Variants in USP32 observed in about 807,000 individuals in gnomAD.
USP32 encodes ubiquitin carboxyl-terminal hydrolase 32.
A neutral mutation model predicts 204.8 loss-of-function variants in USP32; 59 were observed. The observed-to-expected ratio is 0.29, with a 90% CI of 0.23 to 0.36. USP32 has a LOEUF of 0.36. Ranked by LOEUF, USP32 falls within the 10% of genes least tolerant of loss-of-function variation. The pLI, the probability that USP32 is intolerant of heterozygous loss-of-function variation, is 1.00. For synonymous variants in USP32, 517 were observed against 678.4 expected (o/e 0.76, Z 3.70); for missense variants, 1,160 against 1,946.4 (o/e 0.60, Z 7.60).
At chr17:60,272,311 C>T (rs2086742743) in intron 5 of USP32, among the ~76,000 whole-genome samples, 1 of 152,026 alleles carries the variant, frequency 6.6e-6, no homozygotes, top group African/African-American at 2.4e-5. Flanking sequence ...AGTAGGAGTC[C>T]CTATGTGATA....
chr17:60,266,655 AT>A (rs34028475), intron 7 of USP32, among the ~76,000 whole-genome samples: 9,381 of 97,502 alleles, frequency 0.096, 316 homozygotes, highest in East Asian at 0.13. Context: ...CACCCAGGTA[AT>A]TTTTTTTTTT....
rs147849426 is a variant in USP32 at position 60,183,237 on chromosome 17, C to G, written c.4051G>C (p.Ala1351Pro). The G allele has an allele frequency of 1.9e-6, 3 of 1,613,874 alleles. No individual in the cohort carries two copies. Among genetic ancestry groups the G allele is most frequent in the African/African-American group, 1.3e-5 (1 of 74,930 alleles). The change falls in exon 31 of 34, where the codon GCT becomes CCT. Residue 1351 changes from alanine (A) to proline (P), a missense_variant. Around this residue, in one of 8 missense-constraint regions of USP32, gnomAD observed 244 missense variants for 342.3 expected, o/e 0.71. Transcript: ENST00000300896. ...CTCAGGAGCACGTCCTCTTCCCCAGCCGAACTCTGCGCATCCACTTTCTTC... is the reference window on the plus strand; with the variant it reads ...CTCAGGAGCACGTCCTCTTCCCCAGGCGAACTCTGCGCATCCACTTTCTTC... ...EVKKVDAQSS[A>P]GEEDVLLSKS... is the part of the protein sequence containing the mutation.
At chr17:60,421,811 G>A in intron 1 of USP32, 1 of 973,278 alleles carries the variant, frequency 1.0e-6, no homozygotes, top group Non-Finnish European at 1.2e-6. Flanking sequence ...CGGGGTGGCG[G>A]GACTTTCGCC....
intron 10 of USP32, 58 bp from the exon 11 acceptor site, chr17:60,252,500 G>T: frequency 2.4e-6 from 3 of 1,269,126 alleles, no homozygotes; most frequent in South Asian, 1.5e-5. Flanking sequence ...CACATTATCT[G>T]CATGAGACCC....
intron 1 of USP32, chr17:60,421,549 T>A: frequency 1.0e-6 from 1 of 985,432 alleles, no homozygotes; most frequent in African/African-American, 1.7e-5. Flanking sequence ...GGAGAAGGAA[T>A]TCCTAGTTTC....
intron 1 of USP32, among the ~76,000 whole-genome samples, chr17:60,361,385 C>T (rs897085959): frequency 6.6e-6 from 1 of 152,132 alleles, no homozygotes; most frequent in African/African-American, 2.4e-5. Context: ...AGATTTAGTT[C>T]ATTCCTTATG....
intron 12 of USP32, among the ~76,000 whole-genome samples, chr17:60,232,565 T>A (rs75413231): frequency 9.5e-5 from 13 of 137,000 alleles, no homozygotes; most frequent in East Asian, 8.5e-4. Context: ...TTTTTTTTTT[T>A]AAATACAGTC....
intron 2 of USP32, among the ~76,000 whole-genome samples, chr17:60,330,345 C>T (rs1289714495): frequency 6.6e-6 from 1 of 152,126 alleles, no homozygotes; most frequent in African/African-American, 2.4e-5. Flanking sequence ...CCTTATTCTA[C>T]TTTATTATCC....
chr17:60,267,079 G>A (rs1274488579), intron 7 of USP32, among the ~76,000 whole-genome samples: 1 of 151,950 alleles, frequency 6.6e-6, no homozygotes, highest in Non-Finnish European at 1.5e-5. Flanking sequence ...ATGATGCACG[G>A]TGCCAGGCCA....
intron 1 of USP32, among the ~76,000 whole-genome samples, chr17:60,401,736 AAAAG>A (rs1437960619): frequency 1.3e-5 from 2 of 152,022 alleles, no homozygotes; most frequent in Non-Finnish European, 2.9e-5. Flanking sequence ...GAAAAAAAAA[AAAAG>A]AAAGAAAGTA....
At chr17:60,382,930 ATTTATT>A (rs1051316713) in intron 1 of USP32, among the ~76,000 whole-genome samples, 1 of 152,182 alleles carries the variant, frequency 6.6e-6, no homozygotes, top group African/African-American at 2.4e-5. Flanking sequence ...ATTTAGGACT[ATTTATT>A]TTTAACTATC....
intron 11 of USP32, chr17:60,245,213 C>A: frequency 4.9e-6 from 1 of 202,204 alleles, no homozygotes; most frequent in Non-Finnish European, 9.8e-6. Flanking sequence ...GTAATTTCTA[C>A]TATTGGTGCT....
intron 12 of USP32, among the ~76,000 whole-genome samples, chr17:60,235,883 T>C (rs947462101): frequency 1.3e-5 from 2 of 152,204 alleles, no homozygotes; most frequent in Admixed American, 1.3e-4. Flanking sequence ...GTATGTGACA[T>C]ATGCAGGTAC....
rs773217073 is a variant in USP32 at position 60,181,461 on chromosome 17, C to T, written c.4411G>A (p.Gly1471Arg). Residue 1471 changes from glycine (G) to arginine (R), a missense_variant, in exon 32 of 34, where the codon GGA becomes AGA. Physicochemically the swap from Gly to Arg is moderately radical, Grantham distance 125 (BLOSUM62 -2). Transcript: ENST00000300896. Reference sequence around the variant, plus strand: ...CATGCTTCATGCTCATAAAGGAATCCATTGGCCAAAGCTACCTCATGGTCC... The same window carrying T: ...CATGCTTCATGCTCATAAAGGAATCTATTGGCCAAAGCTACCTCATGGTCC... ...PQDHEVALAN[G>R]FLYEHEACGN... The T allele has an allele frequency of 1.9e-6, 3 of 1,613,986 alleles. No individual in the cohort carries two copies. Among genetic ancestry groups the T allele is most frequent in the South Asian group, 2.2e-5 (2 of 91,076 alleles).
At chr17:60,411,462 G>A (rs780574850) in intron 1 of USP32, among the ~76,000 whole-genome samples, 15 of 139,732 alleles carry the variant, frequency 1.1e-4, no homozygotes, top group East Asian at 2.0e-4. Context: ...AGTTTGAGCC[G>A]TGATTGTACC....
intron 1 of USP32, among the ~76,000 whole-genome samples, chr17:60,414,138 A>T (rs556014803): frequency 1.3e-5 from 2 of 152,148 alleles, no homozygotes; most frequent in African/African-American, 4.8e-5. Flanking sequence ...CATGGTGGGC[A>T]GATCACTTGA....
intron 1 of USP32, among the ~76,000 whole-genome samples, chr17:60,358,691 A>G (rs1481543248): frequency 6.6e-6 from 1 of 152,248 alleles, no homozygotes; most frequent in Non-Finnish European, 1.5e-5. Flanking sequence ...ATGAGATTAA[A>G]AAATGAACAT....
At chr17:60,357,190 C>T (rs1220771404) in intron 1 of USP32, among the ~76,000 whole-genome samples, 1 of 152,194 alleles carries the variant, frequency 6.6e-6, no homozygotes, top group East Asian at 1.9e-4. Flanking sequence ...CTGGCTCACA[C>T]CTCTAATCCC....
intron 25 of USP32, among the ~76,000 whole-genome samples, chr17:60,206,667 C>T (rs2084834991): frequency 6.6e-6 from 1 of 151,578 alleles, no homozygotes; most frequent in African/African-American, 2.4e-5. Flanking sequence ...TGAGTGACCA[C>T]ATTAAATTAC....
Sources: allele counts gnomAD v4.1 joint callset (sites outside exome capture counted in the v4.1 genomes callset), GRCh38; gene constraint gnomAD v4.1.1; regional missense constraint gnomAD v4.1.1; transcripts MANE v1.5; gene names NCBI Gene and HGNC (gene_info 2026-07-23, HGNC 2026-07-21).